The following TMEM150B variants were observed in gnomAD, a reference collection of about 807,000 sequenced individuals.
TMEM150B encodes modulator of macroautophagy TMEM150B.
TMEM150B carries 33 observed loss-of-function variants against 25.2 expected under a neutral mutation model. The observed-to-expected ratio is 1.31, with a 90% CI of 0.99 to 1.75. TMEM150B has a LOEUF of 1.75. TMEM150B is among the 40% of genes most tolerant of loss of function. TMEM150B has a pLI of 0.00. For missense variants in TMEM150B, 322 were observed against 306.1 expected, an observed-to-expected ratio of 1.05 and a Z score of -0.39; for synonymous variants, 133 against 134.8, an observed-to-expected ratio of 0.99 and a Z score of 0.09.
chr19:55,312,869 A>ACCGGCAGGGAGATGGGGGAGG lies in TMEM150B; in HGVS notation c.671_691dup (p.Ala224_Pro230dup). Reference sequence around the variant, plus strand: ...GGGTCAGGGTGCCTGCTACAGCTGGACCGGCAGGGAGATGGGGGAGGCCGG... The same window carrying ACCGGCAGGGAGATGGGGGAGG: ...GGGTCAGGGTGCCTGCTACAGCTGGACCGGCAGGGAGATGGGGGAGGCCGGCAGGGAGATGGGGGAGGCCGG... On this transcript the variant is annotated inframe_insertion, in exon 8 of 8. Coordinates refer to ENST00000326652, the MANE Select transcript of TMEM150B (RefSeq NM_001282011.2). 6.3e-7 allele frequency: 1 copy of ACCGGCAGGGAGATGGGGGAGG among 1,589,996 alleles called. No homozygotes were observed. The highest frequency in any genetic ancestry group is 8.6e-7 in the Non-Finnish European group (1 of 1,169,504).
chr19:55,323,476 A>C (rs567047059), intron 1 of TMEM150B, among the ~76,000 whole-genome samples: 2 of 150,228 alleles, frequency 1.3e-5, no homozygotes, highest in African/African-American at 4.9e-5. Context: ...ACATTAGTGC[A>C]CTCCCAATGT....
rs757354864 is a variant in TMEM150B at position 55,312,895 on chromosome 19, C to T, written c.666G>A (p.Pro222=). 111 of 1,600,454 alleles carry T rather than the reference C, an allele frequency of 6.9e-5. No homozygotes were observed. The highest frequency in any genetic ancestry group is 4.0e-4 in the Middle Eastern group (2 of 5,046). Residue 222 remains proline (P), a synonymous_variant, in exon 8 of 8, where the codon CCG becomes CCA. Transcript: ENST00000326652. Reference sequence around the variant, plus strand: ...CCGGCAGGGAGATGGGGGAGGCCGGCGGGGGGCTGAGGCTGGGCCACGGCT... The same window carrying T: ...CCGGCAGGGAGATGGGGGAGGCCGGTGGGGGGCTGAGGCTGGGCCACGGCT... The part of the protein sequence containing the change: ...CVQPWPSLSP[P]PASPISLPVQ...
intron 6 of TMEM150B, chr19:55,319,826 T>C (rs1666368685): frequency 2.2e-6 from 3 of 1,389,270 alleles, no homozygotes; most frequent in South Asian, 1.6e-5. Context: ...GTCAACGAAG[T>C]CCTACATACA....
chr19:55,316,695 A>C, intron 7 of TMEM150B, 91 bp downstream of exon 7: 8 of 1,248,196 alleles, frequency 6.4e-6, no homozygotes, highest in Non-Finnish European at 8.5e-6. Flanking sequence ...AGAGAAAGGA[A>C]GAGACATCCC....
chr19:55,325,254 G>A lies in TMEM150B; in HGVS notation c.-154+18C>T. The A allele has an allele frequency of 1.0e-6, 1 of 985,066 alleles. No homozygotes were observed. Among genetic ancestry groups the A allele is most frequent in the East Asian group, 1.1e-4 (1 of 8,788 alleles). The allele number at this position is 985,066 out of a possible 1,614,324, so 61.0% of individuals were successfully genotyped here. Reference sequence around the variant, plus strand: ...GCCTGCCGAGCTACTTTCAAGTTGGGAATTAGGCCCCACTCACCGGCCACG... The same window carrying A: ...GCCTGCCGAGCTACTTTCAAGTTGGAAATTAGGCCCCACTCACCGGCCACG... On this transcript the variant is annotated intron_variant, in intron 1 of 7. Transcript: ENST00000326652.
At chr19:55,319,282 T>A (rs556053574) in intron 6 of TMEM150B, among the ~76,000 whole-genome samples, 1 of 151,800 alleles carries the variant, frequency 6.6e-6, no homozygotes, top group Admixed American at 6.6e-5. Flanking sequence ...TAGCTAATTT[T>A]TTGTATTTTT....
chr19:55,324,243 C>G (rs2089278292), intron 1 of TMEM150B, among the ~76,000 whole-genome samples: 1 of 151,864 alleles, frequency 6.6e-6, no homozygotes, highest in African/African-American at 2.4e-5. Flanking sequence ...TGGCTGACGC[C>G]TGTAGTCCCA....
In TMEM150B at chr19:55,313,050, C is replaced by A. The variant is rs745473040; in HGVS notation, c.511G>T (p.Val171Phe). ...CTACGCAGCGAGCAGGCGTGGAGGA[C>A]GATCACTGCCCCAGGGTCAAGGGCC... is the stretch of plus-strand genomic sequence containing the variant. ...VCTILIVAMI[V>F]LHACSLRSVS... is the part of the protein sequence containing the mutation. The change falls in exon 8 of 8, where the codon GTC becomes TTC. Residue 171 changes from valine to phenylalanine, a missense_variant. Coordinates refer to ENST00000326652, the MANE Select transcript of TMEM150B (RefSeq NM_001282011.2). The A allele has an allele frequency of 1.9e-5, 30 of 1,609,060 alleles. No individual in the cohort carries two copies. Among genetic ancestry groups the A allele is most frequent in the Non-Finnish European group, 2.5e-5 (30 of 1,178,130 alleles).
intron 7 of TMEM150B, among the ~76,000 whole-genome samples, chr19:55,315,833 G>A (rs934185567): frequency 6.6e-6 from 1 of 152,102 alleles, no homozygotes; most frequent in African/African-American, 2.4e-5. Flanking sequence ...GGAAGGCTGA[G>A]GCAGGAGAAT....
At chr19:55,320,300 G>A (rs1055997713) in intron 5 of TMEM150B, 91 bp downstream of exon 5, 22 of 1,500,142 alleles carry the variant, frequency 1.5e-5, no homozygotes, top group South Asian at 2.6e-5. Context: ...GGGGCCTGGG[G>A]CATGGACTCC....
chr19:55,318,551 G>A (rs1248773159), intron 6 of TMEM150B, among the ~76,000 whole-genome samples: 1 of 150,594 alleles, frequency 6.6e-6, no homozygotes, highest in Non-Finnish European at 1.5e-5. Flanking sequence ...CAGGAGAATC[G>A]CTTGAACCCA....
chr19:55,317,369 G>A (rs1266441130), intron 6 of TMEM150B, among the ~76,000 whole-genome samples: 2 of 152,128 alleles, frequency 1.3e-5, no homozygotes, highest in Non-Finnish European at 2.9e-5. Context: ...ATTTTGGCCT[G>A]GTGCGGTGGC....
chr19:55,318,845 G>A (rs542226501), intron 6 of TMEM150B, among the ~76,000 whole-genome samples: 1 of 152,288 alleles, frequency 6.6e-6, no homozygotes, highest in East Asian at 1.9e-4. Flanking sequence ...CTGTTCACCA[G>A]GCTGGAGTGC....
downstream of TMEM150B, among the ~76,000 whole-genome samples, chr19:55,310,636 G>A (rs978429083): frequency 6.6e-6 from 1 of 152,134 alleles, no homozygotes; most frequent in African/African-American, 2.4e-5. This position sits in a 1 kb window ranked among gnomAD's most constrained non-coding sequence, Gnocchi z 5.0. Flanking sequence ...CCTCTTGTAG[G>A]TGGAGGCCAG....
chr19:55,310,201 G>T (rs902623256), downstream of TMEM150B, among the ~76,000 whole-genome samples: 9 of 152,354 alleles, frequency 5.9e-5, no homozygotes, highest in African/African-American at 2.2e-4. This position sits in a 1 kb window ranked among gnomAD's most constrained non-coding sequence, Gnocchi z 5.0. Flanking sequence ...CTGGAGGTCA[G>T]AAGTCCCACA....
intron 3 of TMEM150B, 111 bp from the exon 4 acceptor site, chr19:55,320,728 C>A: frequency 3.7e-6 from 5 of 1,334,726 alleles, no homozygotes; most frequent in South Asian, 1.3e-5. Flanking sequence ...GGAGTCCAGG[C>A]CCCCAGCCCC....
Position 55,312,899 on chromosome 19 carries a change from G to A in TMEM150B, c.662C>T (p.Pro221Leu), listed in dbSNP as rs1327205622. ...CAGGGAGATGGGGGAGGCCGGCGGG[G>A]GGCTGAGGCTGGGCCACGGCTGAAC... ...LCVQPWPSLS[P>L]PPASPISLPV... is the part of the protein sequence containing the mutation. The change falls in exon 8 of 8, where the codon CCC becomes CTC. Residue 221 changes from proline (P) to leucine (L), a missense_variant. Physicochemically the swap from Pro to Leu is moderately conservative, Grantham distance 98. Coordinates refer to ENST00000326652, the MANE Select transcript of TMEM150B (RefSeq NM_001282011.2). 4 of 1,604,540 alleles carry A rather than the reference G, an allele frequency of 2.5e-6. No homozygotes were observed. The Admixed American group carries it at 6.8e-5, about 27-fold the overall frequency.
intron 7 of TMEM150B, among the ~76,000 whole-genome samples, chr19:55,313,395 T>A (rs1347256999): frequency 6.6e-6 from 1 of 152,172 alleles, no homozygotes. Flanking sequence ...TGCTCCTGCC[T>A]GTAAACATGC....
chr19:55,313,061 C>G lies in TMEM150B; in HGVS notation c.506-6G>C. 6.2e-7 allele frequency: 1 copy of G among 1,606,196 alleles called. No homozygotes were observed. On this transcript the variant is annotated splice_polypyrimidine_tract_variant and splice_region_variant and intron_variant, in intron 7 of 7. Transcript: ENST00000326652. Reference sequence around the variant, plus strand: ...GCAGGCGTGGAGGACGATCACTGCCCCAGGGTCAAGGGCCACACTGCTACC... The same window carrying G: ...GCAGGCGTGGAGGACGATCACTGCCGCAGGGTCAAGGGCCACACTGCTACC...
Sources: allele counts gnomAD v4.1 joint callset (sites outside exome capture counted in the v4.1 genomes callset), GRCh38; gene constraint gnomAD v4.1.1; non-coding constraint Gnocchi (gnomAD v3.1); transcripts MANE v1.5; gene names NCBI Gene and HGNC (gene_info 2026-07-23, HGNC 2026-07-21).